Variants in PRSS38 observed in about 807,000 individuals in gnomAD.
PRSS38 encodes the protein marapsin 2.
A neutral mutation model predicts 26.8 loss-of-function variants in PRSS38; 22 were observed. That is an observed-to-expected ratio of 0.82 (90% CI 0.59 to 1.17). The LOEUF is 1.17. Ranked by LOEUF, PRSS38 falls within the 50% of genes most tolerant of loss-of-function variation. The pLI is 0.00. For synonymous variants in PRSS38, 175 were observed against 172.1 expected (o/e 1.02, Z -0.13); for missense variants, 427 against 422.7 (o/e 1.01, Z -0.09).
chr1:227,817,640 T>A (rs1013759269), intron 3 of PRSS38, among the ~76,000 whole-genome samples, 160 bp downstream of exon 3: 2 of 152,206 alleles, frequency 1.3e-5, no homozygotes, highest in Non-Finnish European at 2.9e-5. Flanking sequence ...TATTTTGTTG[T>A]TTTGTTTTAT....
chr1:227,824,990 T>TTGCAAAATTTTTCTCCCATTCTGTAGG (rs1665051185), intron 3 of PRSS38, among the ~76,000 whole-genome samples: 1 of 152,200 alleles, frequency 6.6e-6, no homozygotes, highest in Admixed American at 6.5e-5. Flanking sequence ...GATGGATAGA[T>TTGCAAAATTTTTCTCCCATTCTGTAGG]TGCAAAATTT....
At position 227,816,177 on chromosome 1, in the gene PRSS38, A is replaced by T. The variant is rs377633029; in HGVS notation, c.236A>T (p.Tyr79Phe). The change falls in exon 2 of 5, where the codon TAC becomes TTC. Residue 79 changes from tyrosine (Y) to phenylalanine (F), a missense_variant. Physicochemically the swap from Tyr to Phe is conservative, Grantham distance 22. Transcript: ENST00000366757. This position sits in a 1 kb window ranked among gnomAD's most constrained non-coding sequence, Gnocchi z 5.1. Reference sequence around the variant, plus strand: ...TGGCCGTGGCAGGTCAGCGTGCACTACGCAGGCCTCCACGTCTGCGGCGGC... The same window carrying T: ...TGGCCGTGGCAGGTCAGCGTGCACTTCGCAGGCCTCCACGTCTGCGGCGGC... 1 of 1,613,490 alleles carries T rather than the reference A, an allele frequency of 6.2e-7. No homozygotes were observed. The highest frequency in any genetic ancestry group is 8.5e-7 in the Non-Finnish European group (1 of 1,179,888).
At chr1:227,825,513 T>G (rs970908552) in intron 3 of PRSS38, among the ~76,000 whole-genome samples, 1 of 152,128 alleles carries the variant, frequency 6.6e-6, no homozygotes, top group African/African-American at 2.4e-5. Flanking sequence ...AAGTTGTGGG[T>G]TTTACATTTA....
intron 3 of PRSS38, among the ~76,000 whole-genome samples, chr1:227,841,940 G>C (rs1318316706): frequency 6.6e-6 from 1 of 152,144 alleles, no homozygotes; most frequent in Non-Finnish European, 1.5e-5. Context: ...CAGGGCCTCA[G>C]GCTGCTTCCA....
At chr1:227,820,259 G>T (rs1664985044) in intron 3 of PRSS38, among the ~76,000 whole-genome samples, 2 of 151,442 alleles carry the variant, frequency 1.3e-5, no homozygotes, top group South Asian at 4.2e-4. Context: ...AATAGAGATT[G>T]TTTTACTTCT....
In PRSS38 at chr1:227,831,433, A is replaced by G. The variant is rs983091908; in HGVS notation, c.583+13953A>G. On this transcript the variant is annotated intron_variant, in intron 3 of 4. Coordinates refer to ENST00000366757, the Ensembl canonical transcript of PRSS38. ...GGAGACATGTACTATGGCCTAGCCT[A>G]TGGTCTGTCCTGGTAAATGATCCAT... 3.9e-5 allele frequency among the ~76,000 whole-genome samples: 6 copies of G among 152,186 alleles called. No individual in the cohort carries two copies. The South Asian group carries it at 8.3e-4, about 21-fold the overall frequency.
intron 3 of PRSS38, among the ~76,000 whole-genome samples, chr1:227,822,681 G>T (rs1665019282): frequency 6.6e-6 from 1 of 152,148 alleles, no homozygotes; most frequent in African/African-American, 2.4e-5. Context: ...TTTCTTGAAT[G>T]CCAGGAGCTA....
intron 3 of PRSS38, among the ~76,000 whole-genome samples, chr1:227,843,266 C>G (rs766381618): frequency 2.6e-5 from 4 of 152,146 alleles, no homozygotes; most frequent in Non-Finnish European, 4.4e-5. Context: ...TGAAAAGTAG[C>G]CCTCATATTT....
chr1:227,818,581 C>T (rs771404022), intron 3 of PRSS38, among the ~76,000 whole-genome samples: 17 of 143,966 alleles, frequency 1.2e-4, no homozygotes, highest in Non-Finnish European at 2.1e-4. Context: ...AGGAGGCTAA[C>T]GTGGAAAGAT....
intron 3 of PRSS38, among the ~76,000 whole-genome samples, chr1:227,827,228 A>G (rs951244047): frequency 6.6e-6 from 1 of 152,102 alleles, no homozygotes; most frequent in African/African-American, 2.4e-5. Flanking sequence ...CCTCCTTTCA[A>G]TTTTTTGTAA....
intron 3 of PRSS38, among the ~76,000 whole-genome samples, chr1:227,822,316 G>C (rs1665014652): frequency 6.6e-6 from 1 of 151,838 alleles, no homozygotes; most frequent in Non-Finnish European, 1.5e-5. Context: ...TCTTTGTCTA[G>C]ACTTCTTTAG....
chr1:227,824,776 G>C (rs1665047905), intron 3 of PRSS38, among the ~76,000 whole-genome samples: 1 of 152,156 alleles, frequency 6.6e-6, no homozygotes. Flanking sequence ...ACTGACATGA[G>C]ATGGTATCTC....
In PRSS38 at chr1:227,817,519, G is replaced by A. The variant is rs375746034; in HGVS notation, c.583+39G>A. 4 of 1,598,566 alleles carry A rather than the reference G, an allele frequency of 2.5e-6. No homozygotes were observed. In the African/African-American group the frequency reaches 4.0e-5, roughly 16 times the overall value. ...GCAGGGCTTTGTGGGCAGGATGAAG[G>A]CTTCTCTTCCACCACAGGGAAGAAA... On this transcript the variant is annotated intron_variant, in intron 3 of 4. Coordinates refer to ENST00000366757, the Ensembl canonical transcript of PRSS38.
intron 3 of PRSS38, among the ~76,000 whole-genome samples, chr1:227,834,544 C>T (rs1572087698): frequency 6.6e-6 from 1 of 152,126 alleles, no homozygotes; most frequent in East Asian, 1.9e-4. Flanking sequence ...TGGTGTGCAC[C>T]TGTAATCCCA....
In PRSS38 at chr1:227,846,454, AAATATTT is replaced by A. The variant is rs1665432474; in HGVS notation, c.*248_*254del. The A allele has an allele frequency of 4.6e-5, 26 of 560,040 alleles. No homozygotes were observed. The South Asian group carries it at 6.3e-4, about 14-fold the overall frequency. 34.7% of individuals were successfully genotyped at this position (560,040 alleles called of 1,614,324 possible). On this transcript the variant is annotated 3_prime_UTR_variant, in exon 5 of 5. Coordinates refer to ENST00000366757, the Ensembl canonical transcript of PRSS38. The stretch of plus-strand genomic sequence containing the variant: ...GCACCTGAGATTTGATAAGATCATT[AAATATTT>A]ACAAAGCAAGCCTCTGAGATCACCT...
intron 3 of PRSS38, among the ~76,000 whole-genome samples, chr1:227,824,439 A>G (rs989157913): frequency 1.3e-5 from 2 of 152,180 alleles, no homozygotes; most frequent in African/African-American, 2.4e-5. Flanking sequence ...CATGGTATAC[A>G]TGTACCACAT....
At chr1:227,845,954 G>T (rs747338740) in exon 5 of PRSS38, 2 of 1,613,988 alleles carry the variant, frequency 1.2e-6, no homozygotes, top group South Asian at 2.2e-5. Context: ...TCCTTTCTAG[G>T]GCGACTCCGG....
At chr1:227,819,360 T>A (rs1664969293) in intron 3 of PRSS38, among the ~76,000 whole-genome samples, 1 of 152,212 alleles carries the variant, frequency 6.6e-6, no homozygotes, top group Admixed American at 6.5e-5. Context: ...ATGAATAAAT[T>A]GAAGATTATA....
rs141189461 is a variant in PRSS38 at position 227,828,172 on chromosome 1, T to A, written c.583+10692T>A. On this transcript the variant is annotated intron_variant, in intron 3 of 4. Coordinates refer to ENST00000366757, the Ensembl canonical transcript of PRSS38. ...GAGAAGAATGTATATTCTGTTGTTT[T>A]GGAGTGGAGAGTTCTGTAAGTATCT... 9.6e-4 allele frequency among the ~76,000 whole-genome samples: 147 copies of A among 152,342 alleles called. 2 individuals carry two copies. Among genetic ancestry groups the A allele is most frequent in the Admixed American group, 2.9e-3 (44 of 15,306 alleles).
Sources: allele counts gnomAD v4.1 joint callset (sites outside exome capture counted in the v4.1 genomes callset), GRCh38; gene constraint gnomAD v4.1.1; non-coding constraint Gnocchi (gnomAD v3.1); transcripts MANE v1.5; gene names NCBI Gene and HGNC (gene_info 2026-07-23, HGNC 2026-07-21).